KCP: variants seen among roughly 807,000 people sequenced by gnomAD.
KCP encodes the protein kielin cysteine rich BMP regulator, also known as kielin/chordin-like protein.
KCP carries 194 observed loss-of-function variants against 212.7 expected under a neutral mutation model. That is an observed-to-expected ratio of 0.91 (90% CI 0.81 to 1.03). The LOEUF is 1.03. KCP is among the 50% of genes least tolerant of loss of function. KCP has a pLI of 0.00. For synonymous variants in KCP, 833 were observed against 865.3 expected (o/e 0.96, Z 0.65); for missense variants, 2,080 against 2,162.5 (o/e 0.96, Z 0.76).
In KCP at chr7:128,883,779, C is replaced by T. The variant is rs78522197; in HGVS notation, c.3244+223G>A. ...GTCGCCCTGCAGCGCCACCTGCTGG[C>T]CAAGATGCTCCACAAACTGCACCCA... On this transcript the variant is annotated intron_variant, in intron 29 of 39. Transcript: ENST00000610776. 0.013 allele frequency among the ~76,000 whole-genome samples: 2,034 copies of T among 152,322 alleles called. 83 individuals are homozygous for T. The East Asian group carries it at 0.15, about 11-fold the overall frequency.
chr7:128,890,970 C>T lies in KCP; in HGVS notation c.2099G>A (p.Arg700Gln). 1 of 1,278,398 alleles carries T rather than the reference C, an allele frequency of 7.8e-7. No individual in the cohort carries two copies. The highest frequency in any genetic ancestry group is 9.8e-7 in the Non-Finnish European group (1 of 1,018,194). 79.2% of individuals were successfully genotyped at this position (1,278,398 alleles called of 1,614,324 possible). The change falls in exon 20 of 40, where the codon CGG becomes CAG. Residue 700 changes from arginine to glutamine, a missense_variant. Physicochemically the swap from Arg to Gln is conservative, Grantham distance 43. Coordinates refer to ENST00000610776, the MANE Select transcript of KCP (RefSeq NM_001366122.1). ...LCLDGSVSCQ[R>Q]LPCPPAPCAH... ...GCAGGGCGCGGGCGGGCAGGGCAGC[C>T]GCTGGCAGGACACGGAGCCGTCGAG...
chr7:128,900,792 C>G (rs1282269306), intron 8 of KCP, among the ~76,000 whole-genome samples: 1 of 152,186 alleles, frequency 6.6e-6, no homozygotes, highest in Non-Finnish European at 1.5e-5. Context: ...TATCATTGCC[C>G]CTATTCAGCC....
intron 1 of KCP, among the ~76,000 whole-genome samples, chr7:128,909,068 A>C (rs184426221): frequency 6.6e-6 from 1 of 152,328 alleles, no homozygotes; most frequent in African/African-American, 2.4e-5. Flanking sequence ...CACCAGATCC[A>C]GTGAAGACAG....
Position 128,877,066 on chromosome 7 carries a change from G to C in KCP, c.4864C>G (p.Arg1622Gly). 1 of 1,527,726 alleles carries C rather than the reference G, an allele frequency of 6.5e-7. No individual in the cohort carries two copies. Among genetic ancestry groups the C allele is most frequent in the Non-Finnish European group, 8.8e-7 (1 of 1,140,818 alleles). 94.6% of individuals were successfully genotyped at this position (1,527,726 alleles called of 1,614,324 possible). Residue 1622 changes from arginine (R) to glycine (G), a missense_variant, in exon 40 of 40, where the codon CGG becomes GGG. Coordinates refer to ENST00000610776, the MANE Select transcript of KCP (RefSeq NM_001366122.1). ...GCTCAGGGTGTCTCCTGGGGCTCCC[G>C]GCTGGGGCTGGGCCGAGCACCAAGT... is the stretch of plus-strand genomic sequence containing the variant. ...QPLGARPSPSREPQETP is the reference protein window; with the variant it reads ...QPLGARPSPSGEPQETP
chr7:128,888,077 C>T (rs1793809031), intron 22 of KCP, among the ~76,000 whole-genome samples: 1 of 141,184 alleles, frequency 7.1e-6, no homozygotes, highest in Non-Finnish European at 1.5e-5. Context: ...GACACAAATA[C>T]AGACACACAC....
At chr7:128,878,944 C>T in intron 37 of KCP, 1 of 523,516 alleles carries the variant, frequency 1.9e-6, no homozygotes, top group Non-Finnish European at 3.4e-6. Flanking sequence ...GAGGAGCTGC[C>T]CACAGCTCCT....
chr7:128,878,966 C>T (rs1793153379), intron 37 of KCP: 1 of 513,766 alleles, frequency 1.9e-6, no homozygotes, highest in African/African-American at 1.9e-5. Flanking sequence ...CATGAGGGCA[C>T]CTTCTCCTGC....
chr7:128,895,156 C>G (rs1563043333), intron 8 of KCP, among the ~76,000 whole-genome samples: 1 of 152,156 alleles, frequency 6.6e-6, no homozygotes, highest in Admixed American at 6.5e-5. Flanking sequence ...GTTCAAGACA[C>G]CCAGTATGCA....
intron 16 of KCP, 29 bp downstream of exon 16, chr7:128,892,485 C>G (rs1339454076): frequency 2.4e-5 from 34 of 1,446,452 alleles, no homozygotes; most frequent in Non-Finnish European, 2.9e-5. Flanking sequence ...GGGCCCTGAT[C>G]CCCTCAGGCC....
Position 128,884,057 on chromosome 7 carries a change from G to A in KCP, c.3189C>T (p.Cys1063=), listed in dbSNP as rs1295102347. Residue 1063 remains cysteine, a synonymous_variant, in exon 29 of 40, where the codon TGC becomes TGT. Coordinates refer to ENST00000610776, the MANE Select transcript of KCP (RefSeq NM_001366122.1). ...HRRQCPSLVG[C]PPSQLLPPGP... is the part of the protein sequence containing the mutation. The stretch of plus-strand genomic sequence containing the variant: ...CAGGGGGCAGGAGCTGGCTGGGGGG[G>A]CAGCCCACCAGGCTGGGACACTGCC... 7 of 1,545,046 alleles carry A rather than the reference G, an allele frequency of 4.5e-6. No homozygotes were observed. The highest frequency in any genetic ancestry group is 5.2e-6 in the Non-Finnish European group (6 of 1,145,134).
In KCP at chr7:128,908,461, G is replaced by A. The variant is rs769324120; in HGVS notation, c.184C>T (p.Arg62Ter). Residue 62 changes from arginine to a stop codon, truncating the protein, a stop_gained, in exon 2 of 40, where the codon CGA (arginine) becomes TGA (stop). Coordinates refer to ENST00000610776, the MANE Select transcript of KCP (RefSeq NM_001366122.1). LOFTEE classifies it high-confidence loss of function. ...QWHPLREWLGRLEAAVMELRE... is the reference protein window; with the variant it reads ...QWHPLREWLG ...AGCTCCATCACTGCAGCCTCCAGTC[G>A]CCCCAGCCACTCTCGCAGGGGGTGC... The A allele has an allele frequency of 5.8e-5, 90 of 1,550,680 alleles. No homozygotes were observed. The highest frequency in any genetic ancestry group is 7.3e-5 in the Non-Finnish European group (84 of 1,146,864).
Position 128,881,665 on chromosome 7 carries a change from G to GC in KCP, c.3384dup (p.Arg1129AlafsTer70), listed in dbSNP as rs1563021372. The GC allele has an allele frequency of 6.6e-7, 1 of 1,514,616 alleles. No homozygotes were observed. Among genetic ancestry groups the GC allele is most frequent in the Non-Finnish European group, 8.8e-7 (1 of 1,137,496 alleles). 93.8% of individuals were successfully genotyped at this position (1,514,616 alleles called of 1,614,324 possible). A position where few individuals can be genotyped will look rare whatever the true frequency, so the allele number is the denominator to read the frequency against. On this transcript the variant is annotated frameshift_variant, in exon 31 of 40. Transcript: ENST00000610776. LOFTEE classifies it high-confidence loss of function. ...CAGCAGCTCCCAGGGGGAGTGTGGC[G>GC]CTCTGAGAGGGGACAGCTGAGCTCA...
At chr7:128,908,649 C>A in intron 1 of KCP, 81 bp from the exon 2 acceptor site, 1 of 1,452,632 alleles carries the variant, frequency 6.9e-7, no homozygotes, top group South Asian at 1.3e-5. Context: ...TCTTCTGACC[C>A]ACAGGGGAAG....
chr7:128,890,876 G>T, intron 20 of KCP, 29 bp downstream of exon 20: 1 of 1,246,340 alleles, frequency 8.0e-7, no homozygotes, highest in Non-Finnish European at 1.0e-6. Flanking sequence ...GGACGCGGGT[G>T]GCCGGGAGGG....
rs1793263639 is a variant in KCP at position 128,880,483 on chromosome 7, C to T, written c.3662G>A (p.Gly1221Glu). The change falls in exon 34 of 40, where the codon GGA becomes GAA. Residue 1221 changes from glycine (G) to glutamate (E), a missense_variant. Physicochemically the swap from Gly to Glu is moderately conservative, Grantham distance 98. Coordinates refer to ENST00000610776, the MANE Select transcript of KCP (RefSeq NM_001366122.1). ...CVHQGREVAS[G>E]ERWTVDTCTS... ...GCAGGTGTCCACAGTCCAGCGCTCT[C>T]CAGAGGCCACCTCACGGCCCTGGTG... 1 of 1,535,240 alleles carries T rather than the reference C, an allele frequency of 6.5e-7. No homozygotes were observed. Among genetic ancestry groups the T allele is most frequent in the East Asian group, 2.5e-5 (1 of 40,318 alleles).
rs11982744 is a variant in KCP at position 128,887,039 on chromosome 7, T to A, written c.2599-73A>T. ...CCAGGGCTGGAGCCCCTACTGAGCCTGCAGGGGCCCAAACACCCTCCCTTG... is the reference window on the plus strand; with the variant it reads ...CCAGGGCTGGAGCCCCTACTGAGCCAGCAGGGGCCCAAACACCCTCCCTTG... On this transcript the variant is annotated intron_variant, in intron 23 of 39. Coordinates refer to ENST00000610776, the MANE Select transcript of KCP (RefSeq NM_001366122.1). 4 of 1,027,580 alleles carry A rather than the reference T, an allele frequency of 3.9e-6. No individual in the cohort carries two copies. The African/African-American group carries it at 4.8e-5, about 12-fold the overall frequency. The allele number at this position is 1,027,580 out of a possible 1,614,324, so 63.7% of individuals were successfully genotyped here. A position where few individuals can be genotyped will look rare whatever the true frequency, so the allele number is the denominator to read the frequency against.
chr7:128,888,745 T>A, intron 22 of KCP, 118 bp downstream of exon 22: 2 of 960,874 alleles, frequency 2.1e-6, no homozygotes, highest in Non-Finnish European at 1.5e-6. Flanking sequence ...AGTCGGAGAG[T>A]GAGAGAAAAG....
chr7:128,877,116 T>A lies in KCP; in HGVS notation c.4814A>T (p.Gln1605Leu), dbSNP rs1238916544. ...TGGCTGGTCTCCAGTGAGCAGGACT[T>A]GGGGGCAGGCCTCGGGTGGGATGCA... ...AHCIPPEACPQVLLTGDQPLG... is the reference protein window; with the variant it reads ...AHCIPPEACPLVLLTGDQPLG... Residue 1605 changes from glutamine to leucine, a missense_variant, in exon 40 of 40, where the codon CAA (glutamine) becomes CTA (leucine). Physicochemically the swap from Gln to Leu is moderately radical, Grantham distance 113. Coordinates refer to ENST00000610776, the MANE Select transcript of KCP (RefSeq NM_001366122.1). 6.6e-6 allele frequency: 10 copies of A among 1,513,542 alleles called. No individual in the cohort carries two copies. The highest frequency in any genetic ancestry group is 4.4e-6 in the Non-Finnish European group (5 of 1,134,048). The allele number at this position is 1,513,542 out of a possible 1,614,324, so 93.8% of individuals were successfully genotyped here.
Position 128,890,516 on chromosome 7 carries a change from G to A in KCP, c.2165-3C>T, listed in dbSNP as rs1264335135. ...CTCCTTCCCCTGGTACAGGCAGCCT[G>A]GGGAGAAGGGCAGGGGCTGGGGGGC... On this transcript the variant is annotated splice_polypyrimidine_tract_variant and splice_region_variant and intron_variant, in intron 20 of 39. Coordinates refer to ENST00000610776, the MANE Select transcript of KCP (RefSeq NM_001366122.1). The A allele has an allele frequency of 3.2e-6, 5 of 1,546,200 alleles. No homozygotes were observed. The highest frequency in any genetic ancestry group is 3.5e-6 in the Non-Finnish European group (4 of 1,145,528).
Sources: allele counts gnomAD v4.1 joint callset (sites outside exome capture counted in the v4.1 genomes callset), GRCh38; gene constraint gnomAD v4.1.1; transcripts MANE v1.5; gene names NCBI Gene and HGNC (gene_info 2026-07-23, HGNC 2026-07-21).